PIBF1: variants seen among roughly 807,000 people sequenced by gnomAD.
PIBF1 encodes progesterone-induced-blocking factor 1.
In PIBF1, 90 loss-of-function variants were observed where a neutral mutation model predicts 112.5. That is an observed-to-expected ratio of 0.80 (90% CI 0.67 to 0.95). The LOEUF is 0.95. Ranked by LOEUF, PIBF1 falls within the 40% of genes least tolerant of loss-of-function variation. The pLI is 0.00. For synonymous variants in PIBF1, 301 were observed against 288.6 expected, an observed-to-expected ratio of 1.04 and a Z score of -0.44; for missense variants, 915 against 852.3, an observed-to-expected ratio of 1.07 and a Z score of -0.92.
chr13:72,983,651 C>T (rs1204711601), intron 16 of PIBF1, among the ~76,000 whole-genome samples: 5 of 152,094 alleles, frequency 3.3e-5, no homozygotes, highest in East Asian at 1.9e-4. Context: ...ATGTTCTTTG[C>T]GATTTCTCGG....
chr13:72,934,666 G>C (rs1447529153), intron 14 of PIBF1, among the ~76,000 whole-genome samples: 2 of 152,088 alleles, frequency 1.3e-5, no homozygotes, highest in African/African-American at 2.4e-5. Context: ...TAAGTGAACT[G>C]ACAAAATGAC....
chr13:72,821,909 T>G lies in PIBF1; in HGVS notation c.733T>G (p.Leu245Val), dbSNP rs1199648282. 1.2e-6 allele frequency: 2 copies of G among 1,612,968 alleles called. No individual in the cohort carries two copies. Residue 245 changes from leucine (L) to valine (V), a missense_variant, in exon 6 of 18, where the codon TTA (leucine) becomes GTA (valine). Coordinates refer to ENST00000326291, the MANE Select transcript of PIBF1 (RefSeq NM_006346.4). ...EVQIRCQRLA[L>V]ELADTKQLIQ... ...TCAAATTAGATGTCAACGTTTGGCC[T>G]TAGAATTAGCAGACACAAAACAGTT...
chr13:72,930,681 C>CT (rs1237373092), intron 13 of PIBF1, among the ~76,000 whole-genome samples: 1 of 152,144 alleles, frequency 6.6e-6, no homozygotes, highest in East Asian at 1.9e-4. Flanking sequence ...TTCATCTCCA[C>CT]TTTCAATTAA....
intron 17 of PIBF1, among the ~76,000 whole-genome samples, chr13:73,010,380 A>T (rs1245985648): frequency 6.6e-6 from 1 of 151,986 alleles, no homozygotes; most frequent in Non-Finnish European, 1.5e-5. Flanking sequence ...AGGCAGGCGA[A>T]TCACCTGAGG....
At chr13:72,966,465 A>G (rs181900851) in intron 15 of PIBF1, among the ~76,000 whole-genome samples, 18 of 152,302 alleles carry the variant, frequency 1.2e-4, no homozygotes, top group African/African-American at 4.3e-4. Flanking sequence ...ACAACCTACA[A>G]TAATAAATTA....
At chr13:72,956,422 A>G (rs941271103) in intron 14 of PIBF1, among the ~76,000 whole-genome samples, 16 of 152,140 alleles carry the variant, frequency 1.1e-4, no homozygotes, top group African/African-American at 3.1e-4. Flanking sequence ...GGCATAGGCA[A>G]CTTTCAAAAG....
At chr13:73,007,740 C>T (rs2044080701) in intron 17 of PIBF1, among the ~76,000 whole-genome samples, 1 of 149,950 alleles carries the variant, frequency 6.7e-6, no homozygotes, top group Admixed American at 6.7e-5. Flanking sequence ...ACCCAAGAGG[C>T]AGAGGTTGCA....
At chr13:72,886,276 A>G (rs1013354857) in intron 10 of PIBF1, among the ~76,000 whole-genome samples, 1 of 131,766 alleles carries the variant, frequency 7.6e-6, no homozygotes, top group African/African-American at 2.8e-5. Flanking sequence ...GATATACGTT[A>G]AAAGCTGCAT....
chr13:72,992,600 C>G (rs1306488163), intron 16 of PIBF1, among the ~76,000 whole-genome samples: 2 of 152,078 alleles, frequency 1.3e-5, no homozygotes, highest in South Asian at 2.1e-4. Context: ...TTGAGACCAG[C>G]CTGCGCAACA....
At chr13:72,821,764 G>A in intron 5 of PIBF1, 85 bp from the exon 6 acceptor site, 5 of 967,200 alleles carry the variant, frequency 5.2e-6, no homozygotes, top group Non-Finnish European at 5.9e-6. Flanking sequence ...GACAATCACA[G>A]CTTAACAGAA....
chr13:72,902,546 G>C (rs2040534284), intron 11 of PIBF1, among the ~76,000 whole-genome samples: 1 of 151,702 alleles, frequency 6.6e-6, no homozygotes, highest in Non-Finnish European at 1.5e-5. Context: ...AAAATAAAAT[G>C]GAAAGAAAAA....
At chr13:72,836,164 T>C in intron 9 of PIBF1, 1 of 439,206 alleles carries the variant, frequency 2.3e-6, no homozygotes, top group South Asian at 1.7e-5. Flanking sequence ...CAGTAAATAT[T>C]AGGCTCACCT....
chr13:73,013,840 A>G (rs191342017), intron 17 of PIBF1, among the ~76,000 whole-genome samples: 23 of 152,258 alleles, frequency 1.5e-4, no homozygotes, highest in African/African-American at 5.3e-4. Context: ...CTGACTTCTC[A>G]GAAACAATGC....
At chr13:72,821,781 A>G (rs1478115519) in intron 5 of PIBF1, 68 bp from the exon 6 acceptor site, 3 of 1,190,272 alleles carry the variant, frequency 2.5e-6, no homozygotes, top group Non-Finnish European at 3.5e-6. Context: ...AGAAGACTTC[A>G]ATACAGAATT....
At chr13:72,955,180 G>A (rs1275527392) in intron 14 of PIBF1, among the ~76,000 whole-genome samples, 1 of 152,148 alleles carries the variant, frequency 6.6e-6, no homozygotes, top group Non-Finnish European at 1.5e-5. Flanking sequence ...TTCATTACAT[G>A]GACAAAACAT....
At chr13:72,942,760 G>A (rs1000046053) in intron 14 of PIBF1, among the ~76,000 whole-genome samples, 3 of 152,104 alleles carry the variant, frequency 2.0e-5, no homozygotes, top group Non-Finnish European at 4.4e-5. Flanking sequence ...CAGCACTTTG[G>A]GAGGTCAAGG....
chr13:72,862,943 T>C (rs2038759957), intron 10 of PIBF1, among the ~76,000 whole-genome samples: 1 of 152,150 alleles, frequency 6.6e-6, no homozygotes, highest in Non-Finnish European at 1.5e-5. Flanking sequence ...CAAGAAATTA[T>C]AACATAAAAA....
chr13:73,013,300 CA>C (rs869055620), intron 17 of PIBF1, among the ~76,000 whole-genome samples: 404 of 14,650 alleles, frequency 0.028, 11 homozygotes, highest in East Asian at 0.038. Flanking sequence ...GACTCTGTCT[CA>C]AAAAAAAAAA....
Position 72,946,584 on chromosome 13 carries a change from G to A in PIBF1, c.1833+15317G>A, listed in dbSNP as rs140975435. On this transcript the variant is annotated intron_variant, in intron 14 of 17. Coordinates refer to ENST00000326291, the MANE Select transcript of PIBF1 (RefSeq NM_006346.4). ...ATCTGAGACAAGGCAAGTCCCTTCC[G>A]CCTATGAGCCTGCAAAATTAAAAGC... is the stretch of plus-strand genomic sequence containing the variant. Among the ~76,000 whole-genome samples the A allele has an allele frequency of 4.5e-4, 69 of 152,182 alleles. 1 individual carries two copies. Among genetic ancestry groups the A allele is most frequent in the African/African-American group, 1.4e-3 (58 of 41,516 alleles).
Sources: allele counts gnomAD v4.1 joint callset (sites outside exome capture counted in the v4.1 genomes callset), GRCh38; gene constraint gnomAD v4.1.1; transcripts MANE v1.5; gene names NCBI Gene and HGNC (gene_info 2026-07-23, HGNC 2026-07-21).